SNTG1: variants seen among roughly 807,000 people sequenced by gnomAD.
SNTG1 encodes the protein gamma-1-syntrophin.
SNTG1 carries 39 observed loss-of-function variants against 74.7 expected under a neutral mutation model. That is an observed-to-expected ratio of 0.52 (90% CI 0.40 to 0.68). The LOEUF (loss-of-function observed/expected upper bound fraction) is 0.68, where lower values mean the gene tolerates loss of function less well. SNTG1 is among the 30% of genes least tolerant of loss of function. The probability of loss-of-function intolerance (pLI) is 0.00; values close to 1 mark genes in which losing one functional copy is unlikely to be tolerated. For synonymous variants in SNTG1, 254 were observed against 217.1 expected, an observed-to-expected ratio of 1.17 and a Z score of -1.49; for missense variants, 685 against 609.5, an observed-to-expected ratio of 1.12 and a Z score of -1.30.
At chr8:50,447,654 G>T (rs879602489) in intron 5 of SNTG1, among the ~76,000 whole-genome samples, 2 of 152,164 alleles carry the variant, frequency 1.3e-5, no homozygotes, top group Non-Finnish European at 1.5e-5. Flanking sequence ...TCCAGGCACT[G>T]GGTTTACATC....
chr8:50,229,163 C>T (rs1208454525), intron 2 of SNTG1, among the ~76,000 whole-genome samples: 1 of 151,266 alleles, frequency 6.6e-6, no homozygotes, highest in Non-Finnish European at 1.5e-5. Flanking sequence ...AGATAAAATG[C>T]TCAATTAAAA....
intron 12 of SNTG1, among the ~76,000 whole-genome samples, chr8:50,559,599 C>G (rs193101968): frequency 6.6e-6 from 1 of 151,846 alleles, no homozygotes; most frequent in South Asian, 2.1e-4. Flanking sequence ...AGAAAAATAC[C>G]TTGCACCTGA....
At chr8:50,140,820 CAG>C (rs2081632378) in intron 1 of SNTG1, among the ~76,000 whole-genome samples, 1 of 152,122 alleles carries the variant, frequency 6.6e-6, no homozygotes, top group Non-Finnish European at 1.5e-5. Context: ...ATTTTGGAAA[CAG>C]GGAGATTGTT....
rs143979065 is a variant in SNTG1 at position 50,288,191 on chromosome 8, C to T, written c.-27-106021C>T. Among the ~76,000 whole-genome samples, 475 of 152,188 alleles carry T rather than the reference C, an allele frequency of 3.1e-3. 2 individuals carry two copies. Among genetic ancestry groups the T allele is most frequent in the African/African-American group, 8.8e-3 (365 of 41,548 alleles). ...AATTGTTATTAGTTCTGAATAAGCA[C>T]GCTTAAAAAAATAATTTGGTCTTCT... On this transcript the variant is annotated intron_variant, in intron 2 of 18. Transcript: ENST00000642720.
Position 50,209,183 on chromosome 8 carries a change from C to T in SNTG1, c.-28+36548C>T, listed in dbSNP as rs187311153. Among the ~76,000 whole-genome samples, 688 of 152,128 alleles carry T rather than the reference C, an allele frequency of 4.5e-3. 5 individuals carry two copies. Among genetic ancestry groups the T allele is most frequent in the African/African-American group, 0.015 (635 of 41,494 alleles). Reference sequence around the variant, plus strand: ...GCAGTGAGGCTGGGGGAGGGGTGCCCGCCATTGCTGAGGCTTGAGTAGATA... The same window carrying T: ...GCAGTGAGGCTGGGGGAGGGGTGCCTGCCATTGCTGAGGCTTGAGTAGATA... On this transcript the variant is annotated intron_variant, in intron 2 of 18. Coordinates refer to ENST00000642720, the MANE Select transcript of SNTG1 (RefSeq NM_018967.5).
chr8:50,464,808 A>G (rs1429961522), intron 8 of SNTG1, among the ~76,000 whole-genome samples: 1 of 152,078 alleles, frequency 6.6e-6, no homozygotes, highest in African/African-American at 2.4e-5. Context: ...AACAGATACA[A>G]TAATATCTGT....
intron 1 of SNTG1, among the ~76,000 whole-genome samples, chr8:50,067,053 T>C (rs203942): frequency 6.6e-6 from 1 of 151,960 alleles, no homozygotes; most frequent in Non-Finnish European, 1.5e-5. Context: ...GAAAGACATA[T>C]AAAGCCATTC....
intron 2 of SNTG1, among the ~76,000 whole-genome samples, chr8:50,372,713 G>GA (rs890054412): frequency 7.9e-5 from 12 of 151,882 alleles, no homozygotes; most frequent in African/African-American, 2.2e-4. Flanking sequence ...CAAATAGGAA[G>GA]AAAAAATCAT....
chr8:50,480,856 T>C (rs1162587324), intron 8 of SNTG1, among the ~76,000 whole-genome samples: 2 of 152,060 alleles, frequency 1.3e-5, no homozygotes, highest in African/African-American at 2.4e-5. Flanking sequence ...GTTGTGAAAA[T>C]GAAAGAATGA....
At chr8:50,729,992 C>T (rs548169133) in intron 17 of SNTG1, among the ~76,000 whole-genome samples, 74 of 152,082 alleles carry the variant, frequency 4.9e-4, no homozygotes, top group African/African-American at 1.7e-3. Flanking sequence ...AGGGAGCACC[C>T]CGTATTCACT....
At chr8:50,736,645 A>C (rs2095529573) in intron 17 of SNTG1, among the ~76,000 whole-genome samples, 1 of 152,132 alleles carries the variant, frequency 6.6e-6, no homozygotes, top group Non-Finnish European at 1.5e-5. Context: ...ACCACATCGC[A>C]CTTATTCTAA....
chr8:50,732,221 T>C (rs1202465882), intron 17 of SNTG1, among the ~76,000 whole-genome samples: 2 of 151,996 alleles, frequency 1.3e-5, no homozygotes, highest in African/African-American at 4.8e-5. Context: ...AATTACTATA[T>C]ATAAAATATC....
intron 1 of SNTG1, among the ~76,000 whole-genome samples, chr8:50,132,571 T>C (rs2081350848): frequency 1.3e-5 from 2 of 152,204 alleles, no homozygotes; most frequent in South Asian, 4.1e-4. Flanking sequence ...GGGAAAATTC[T>C]ATTAGGTTTC....
At chr8:50,760,771 A>G (rs979613901) in intron 18 of SNTG1, among the ~76,000 whole-genome samples, 1 of 152,048 alleles carries the variant, frequency 6.6e-6, no homozygotes, top group African/African-American at 2.4e-5. Flanking sequence ...TAGAAAATCG[A>G]GAAGAGATGG....
chr8:50,635,447 C>G (rs1047253128), intron 13 of SNTG1, among the ~76,000 whole-genome samples: 11 of 152,082 alleles, frequency 7.2e-5, no homozygotes, highest in African/African-American at 2.4e-5. Context: ...AGTCAGAAAC[C>G]TTAGAAATTT....
rs7821364 is a variant in SNTG1, at chr8:50,516,693, C to A, written c.467-13484C>A. On this transcript the variant is annotated intron_variant, in intron 9 of 18. Transcript: ENST00000642720. Reference sequence around the variant, plus strand: ...ATTGATCAAATAGAAGAAAGGATATCAGAGATTGAAGATTAACTTAATGAA... The same window carrying A: ...ATTGATCAAATAGAAGAAAGGATATAAGAGATTGAAGATTAACTTAATGAA... Among the ~76,000 whole-genome samples, 113 of 151,966 alleles carry A rather than the reference C, an allele frequency of 7.4e-4. 1 individual carries two copies. The highest frequency in any genetic ancestry group is 2.7e-3 in the African/African-American group (110 of 41,418).
At chr8:50,485,013 T>C (rs961935325) in intron 8 of SNTG1, among the ~76,000 whole-genome samples, 4 of 152,212 alleles carry the variant, frequency 2.6e-5, no homozygotes, top group Admixed American at 1.3e-4. Flanking sequence ...CTCTCTGCCA[T>C]TGAAGGAAGG....
intron 18 of SNTG1, among the ~76,000 whole-genome samples, chr8:50,755,867 A>C (rs1055794685): frequency 6.6e-6 from 1 of 151,834 alleles, no homozygotes; most frequent in South Asian, 2.1e-4. Flanking sequence ...AACGTGGTGC[A>C]TATTTTCATA....
chr8:50,055,374 T>G (rs1252271420), intron 1 of SNTG1, among the ~76,000 whole-genome samples: 3 of 152,172 alleles, frequency 2.0e-5, no homozygotes, highest in Non-Finnish European at 4.4e-5. Flanking sequence ...CGGTGATCAG[T>G]AAATATTTTT....
Sources: allele counts gnomAD v4.1 joint callset (sites outside exome capture counted in the v4.1 genomes callset), GRCh38; gene constraint gnomAD v4.1.1; transcripts MANE v1.5; gene names NCBI Gene and HGNC (gene_info 2026-07-23, HGNC 2026-07-21).